The following KCNIP4 variants were observed in gnomAD, a reference collection of about 807,000 sequenced individuals.
The protein encoded by KCNIP4 is potassium voltage-gated channel interacting protein 4, also known as Kv channel-interacting protein 4.
KCNIP4 carries 12 observed loss-of-function variants against 34.0 expected under a neutral mutation model. The observed-to-expected ratio is 0.35, with a 90% CI of 0.23 to 0.57. The LOEUF is 0.57. Among genes scored for constraint, KCNIP4 ranks in the 20% least tolerant of loss-of-function variants. The pLI, the probability that KCNIP4 is intolerant of heterozygous loss-of-function variation, is 0.83. For missense variants in KCNIP4, 238 were observed against 311.7 expected (o/e 0.76, Z 1.78); for synonymous variants, 124 against 102.2 (o/e 1.21, Z -1.29).
chr4:21,087,296 C>T (rs946659415), intron 1 of KCNIP4, among the ~76,000 whole-genome samples: 4 of 151,940 alleles, frequency 2.6e-5, no homozygotes, highest in Non-Finnish European at 5.9e-5. Flanking sequence ...CCTGCCTCAG[C>T]CTCCCAAGTA....
intron 1 of KCNIP4, among the ~76,000 whole-genome samples, chr4:21,299,843 T>C (rs1764056934): frequency 6.6e-6 from 1 of 152,172 alleles, no homozygotes; most frequent in African/African-American, 2.4e-5. Flanking sequence ...GTTCTAAAAA[T>C]CCATCTTTGT....
At chr4:21,866,591 A>G (rs1329360979) in intron 1 of KCNIP4, among the ~76,000 whole-genome samples, 1 of 152,168 alleles carries the variant, frequency 6.6e-6, no homozygotes, top group African/African-American at 2.4e-5. Context: ...ACACTAGAAG[A>G]GAAAGGAAAA....
At chr4:21,911,955 C>A (rs1365736678) in intron 1 of KCNIP4, among the ~76,000 whole-genome samples, 1 of 152,042 alleles carries the variant, frequency 6.6e-6, no homozygotes, top group African/African-American at 2.4e-5. Flanking sequence ...ACAACATTTG[C>A]AAAGCACTAA....
chr4:21,061,507 A>C (rs566497271), intron 1 of KCNIP4, among the ~76,000 whole-genome samples: 1 of 152,286 alleles, frequency 6.6e-6, no homozygotes, highest in Non-Finnish European at 1.5e-5. Flanking sequence ...CAGACTCAGC[A>C]CCATATTGAT....
chr4:20,863,690 G>A (rs964565810), intron 2 of KCNIP4, among the ~76,000 whole-genome samples: 2 of 148,420 alleles, frequency 1.3e-5, no homozygotes, highest in Non-Finnish European at 3.0e-5. Context: ...GAAGCAAGAT[G>A]GAGATCTCTT....
chr4:21,527,461 A>G (rs899705598), intron 1 of KCNIP4, among the ~76,000 whole-genome samples: 1 of 152,154 alleles, frequency 6.6e-6, no homozygotes, highest in Non-Finnish European at 1.5e-5. Context: ...GGCCGCAGGA[A>G]GGACTTGGTT....
intron 1 of KCNIP4, among the ~76,000 whole-genome samples, chr4:20,982,764 A>C (rs1337310888): frequency 2.0e-5 from 3 of 152,226 alleles, no homozygotes; most frequent in Admixed American, 1.3e-4. Context: ...CATCATAGCT[A>C]TCAGGTCTTA....
At chr4:21,644,537 G>T (rs1317861601) in intron 1 of KCNIP4, among the ~76,000 whole-genome samples, 3 of 152,154 alleles carry the variant, frequency 2.0e-5, no homozygotes, top group Admixed American at 2.0e-4. Flanking sequence ...GCAGGTAAAA[G>T]CAGCAGATGA....
At chr4:21,062,631 G>C (rs980124862) in intron 1 of KCNIP4, among the ~76,000 whole-genome samples, 14 of 152,034 alleles carry the variant, frequency 9.2e-5, no homozygotes, top group African/African-American at 3.4e-4. Flanking sequence ...TGGTGAGTCT[G>C]CAAGCAGGAG....
chr4:20,767,160 A>G (rs897606688), intron 3 of KCNIP4: 5 of 152,234 alleles, frequency 3.3e-5, no homozygotes, highest in Non-Finnish European at 7.3e-5. Flanking sequence ...AATCATATTT[A>G]TCAACGTGGT....
At chr4:21,260,361 A>G (rs1310237734) in intron 1 of KCNIP4, among the ~76,000 whole-genome samples, 2 of 152,198 alleles carry the variant, frequency 1.3e-5, no homozygotes, top group African/African-American at 4.8e-5. Flanking sequence ...GACTATACAT[A>G]GCTATTTATA....
chr4:21,401,711 T>C (rs1723575652), intron 1 of KCNIP4, among the ~76,000 whole-genome samples: 1 of 152,146 alleles, frequency 6.6e-6, no homozygotes, highest in African/African-American at 2.4e-5. Context: ...TCAGTGAAAA[T>C]GAGTCTGATG....
chr4:21,382,603 G>C (rs1393080932), intron 1 of KCNIP4, among the ~76,000 whole-genome samples: 3 of 151,916 alleles, frequency 2.0e-5, no homozygotes, highest in Non-Finnish European at 4.4e-5. Flanking sequence ...ACTTAAAATG[G>C]AGCACCAATA....
intron 3 of KCNIP4, chr4:20,767,288 C>T (rs2149373732): frequency 6.6e-6 from 1 of 152,188 alleles, no homozygotes; most frequent in South Asian, 2.1e-4. Flanking sequence ...AGAATTTACC[C>T]TAAAAGAAAG....
At chr4:20,997,076 A>G (rs531205786) in intron 1 of KCNIP4, among the ~76,000 whole-genome samples, 1 of 152,198 alleles carries the variant, frequency 6.6e-6, no homozygotes, top group South Asian at 2.1e-4. Context: ...GATGGGGGGA[A>G]AACTACGAAG....
intron 1 of KCNIP4, among the ~76,000 whole-genome samples, chr4:20,935,462 T>A (rs1730968896): frequency 6.6e-6 from 1 of 152,178 alleles, no homozygotes; most frequent in Admixed American, 6.5e-5. Flanking sequence ...CTCGAAACCC[T>A]GTCAATCCTA....
intron 1 of KCNIP4, among the ~76,000 whole-genome samples, chr4:21,318,663 G>T (rs1228703162): frequency 6.6e-6 from 1 of 151,864 alleles, no homozygotes; most frequent in Non-Finnish European, 1.5e-5. Context: ...AAAATCCTGG[G>T]TTTTTTTGCA....
chr4:21,338,971 T>C, intron 1 of KCNIP4, among the ~76,000 whole-genome samples: 1 of 152,156 alleles, frequency 6.6e-6, no homozygotes, highest in East Asian at 1.9e-4. Context: ...TAGGAATCTA[T>C]AGAAACATGG....
intron 1 of KCNIP4, among the ~76,000 whole-genome samples, chr4:21,435,086 G>A (rs184757887): frequency 1.2e-4 from 19 of 152,254 alleles, no homozygotes; most frequent in South Asian, 4.2e-4. Context: ...AACAGGGGTC[G>A]CTCTTTTCTA....
Sources: allele counts gnomAD v4.1 joint callset (sites outside exome capture counted in the v4.1 genomes callset), GRCh38; gene constraint gnomAD v4.1.1; transcripts MANE v1.5; gene names NCBI Gene and HGNC (gene_info 2026-07-23, HGNC 2026-07-21).